The following KIF5B variants were observed in gnomAD, a reference collection of about 807,000 sequenced individuals.
KIF5B encodes kinesin-1 heavy chain.
In KIF5B, 49 loss-of-function variants were observed where a neutral mutation model predicts 132.8. The observed-to-expected ratio is 0.37, with a 90% CI of 0.29 to 0.47. KIF5B has a LOEUF of 0.47. Among genes scored for constraint, KIF5B ranks in the 20% least tolerant of loss-of-function variants. KIF5B has a pLI of 1.00. For synonymous variants in KIF5B, 355 were observed against 369.4 expected (o/e 0.96, Z 0.45); for missense variants, 780 against 1,144.0 (o/e 0.68, Z 4.59).
chr10:32,018,032 G>GA lies in KIF5B; in HGVS notation c.2544+19dup. 7.3e-7 allele frequency: 1 copy of GA among 1,374,660 alleles called. No individual in the cohort carries two copies. The highest frequency in any genetic ancestry group is 2.3e-5 in the East Asian group (1 of 43,372). The allele number at this position is 1,374,660 out of a possible 1,614,324, so 85.2% of individuals were successfully genotyped here. On this transcript the variant is annotated intron_variant, in intron 23 of 25. Coordinates refer to ENST00000302418, the MANE Select transcript of KIF5B (RefSeq NM_004521.3). ...GATTTTTACTATCTTGCAGCTACCA[G>GA]AAAATATACTCTTTAGTACCTGTTT...
chr10:32,015,320 C>A (rs1469876539), intron 25 of KIF5B, among the ~76,000 whole-genome samples, 189 bp downstream of exon 25: 1 of 152,038 alleles, frequency 6.6e-6, no homozygotes, highest in Non-Finnish European at 1.5e-5. Context: ...GATTTCAAAA[C>A]AATTAAGACC....
intron 8 of KIF5B, 71 bp downstream of exon 8, chr10:32,037,183 G>T: frequency 6.9e-7 from 1 of 1,442,472 alleles, no homozygotes; most frequent in Non-Finnish European, 9.5e-7. Flanking sequence ...AATGAACCCT[G>T]CGTAACTCCC....
chr10:32,028,030 T>C (rs1054527759), intron 15 of KIF5B, among the ~76,000 whole-genome samples: 4 of 152,088 alleles, frequency 2.6e-5, no homozygotes, highest in African/African-American at 9.7e-5. Context: ...TGGAGTGCAG[T>C]TGCACGATTG....
At chr10:32,015,987 T>TA (rs1044902373) in intron 24 of KIF5B, among the ~76,000 whole-genome samples, 15 of 151,734 alleles carry the variant, frequency 9.9e-5, no homozygotes, top group Non-Finnish European at 1.5e-4. Context: ...CTACAGAATA[T>TA]AAAAAAATTA....
chr10:32,015,750 TC>T, intron 24 of KIF5B, 91 bp from the exon 25 acceptor site: 1 of 1,088,966 alleles, frequency 9.2e-7, no homozygotes, highest in Non-Finnish European at 1.3e-6. Flanking sequence ...CACAACAAAT[TC>T]CCAAATGTTT....
intron 8 of KIF5B, among the ~76,000 whole-genome samples, chr10:32,036,602 T>C (rs890947999): frequency 6.6e-6 from 1 of 152,170 alleles, no homozygotes; most frequent in Non-Finnish European, 1.5e-5. Context: ...ATGTTAAAGA[T>C]AGGTCAGAAC....
intron 2 of KIF5B, among the ~76,000 whole-genome samples, chr10:32,045,207 G>A (rs533100749): frequency 1.3e-5 from 2 of 152,150 alleles, no homozygotes; most frequent in Non-Finnish European, 2.9e-5. Context: ...CAGAACTCAC[G>A]AGAACAGCAT....
chr10:32,018,260 T>C, intron 22 of KIF5B, 56 bp downstream of exon 22: 1 of 1,449,504 alleles, frequency 6.9e-7, no homozygotes, highest in South Asian at 1.4e-5. Flanking sequence ...ATACAAATAA[T>C]TACCTAGAAG....
Position 32,056,200 on chromosome 10 carries a change from T to A in KIF5B, c.-227A>T, listed in dbSNP as rs1841761234. On this transcript the variant is annotated 5_prime_UTR_variant, in exon 1 of 26. An upstream start codon of the reference 5' UTR is lost. Coordinates refer to ENST00000302418, the MANE Select transcript of KIF5B (RefSeq NM_004521.3). ...CACTTCCGATCCATCATGGCAGCCA[T>A]GGCGGCGGCAGCGGCGGCGGCACCG... 2.0e-6 allele frequency: 1 copy of A among 496,746 alleles called. No homozygotes were observed. Among genetic ancestry groups the A allele is most frequent in the Non-Finnish European group, 3.5e-6 (1 of 287,526 alleles). 30.8% of individuals were successfully genotyped at this position (496,746 alleles called of 1,614,324 possible).
chr10:32,055,338 C>G (rs1316476940), intron 1 of KIF5B, among the ~76,000 whole-genome samples: 1 of 152,096 alleles, frequency 6.6e-6, no homozygotes, highest in African/African-American at 2.4e-5. Flanking sequence ...TTCCTTCTCC[C>G]AGAGGGAAAC....
intron 2 of KIF5B, among the ~76,000 whole-genome samples, chr10:32,045,065 C>T (rs1369419354): frequency 6.6e-6 from 1 of 152,116 alleles, no homozygotes; most frequent in Admixed American, 6.5e-5. Flanking sequence ...TCCTAAACGT[C>T]AGGAAAACAG....
chr10:32,025,769 A>C (rs1389578177), intron 15 of KIF5B, among the ~76,000 whole-genome samples: 1 of 152,282 alleles, frequency 6.6e-6, no homozygotes, highest in Non-Finnish European at 1.5e-5. Flanking sequence ...TGGTACATTC[A>C]TATCATGGAA....
chr10:32,049,918 T>C (rs1222749856), intron 1 of KIF5B, among the ~76,000 whole-genome samples: 1 of 147,060 alleles, frequency 6.8e-6, no homozygotes, highest in Non-Finnish European at 1.5e-5. Flanking sequence ...CTGCTGTATG[T>C]CTAAGAAAGT....
chr10:32,055,993 G>C lies in KIF5B; in HGVS notation c.-20C>G. 1 of 1,598,154 alleles carries C rather than the reference G, an allele frequency of 6.3e-7. No homozygotes were observed. The highest frequency in any genetic ancestry group is 8.5e-7 in the Non-Finnish European group (1 of 1,179,138). On this transcript the variant is annotated 5_prime_UTR_variant, in exon 1 of 26. Transcript: ENST00000302418. ...CGCCATCTTTCTCGCAGCCGGGGCC[G>C]GCGGCCGGGAGCCACTCCCCGCCGC...
chr10:32,053,594 C>T (rs1198110859), intron 1 of KIF5B, among the ~76,000 whole-genome samples: 2 of 151,818 alleles, frequency 1.3e-5, no homozygotes, highest in South Asian at 2.1e-4. Flanking sequence ...CGTGGTAGCG[C>T]GTGCCTGTAA....
Position 32,056,293 on chromosome 10 carries a change from T to G in KIF5B, c.-320A>C, listed in dbSNP as rs1216858995. On this transcript the variant is annotated 5_prime_UTR_variant, in exon 1 of 26. Transcript: ENST00000302418. ...GGGCGGACTGCGGGGGCTGGGGAGGTTCTGGGGACCGGGAGAGTGGCCACC... is the reference window on the plus strand; with the variant it reads ...GGGCGGACTGCGGGGGCTGGGGAGGGTCTGGGGACCGGGAGAGTGGCCACC... 3 of 321,404 alleles carry G rather than the reference T, an allele frequency of 9.3e-6. No homozygotes were observed. Among genetic ancestry groups the G allele is most frequent in the South Asian group, 3.2e-5 (1 of 31,638 alleles). 19.9% of individuals were successfully genotyped at this position (321,404 alleles called of 1,614,324 possible). A position where few individuals can be genotyped will look rare whatever the true frequency, so the allele number is the denominator to read the frequency against.
At chr10:32,041,515 T>C (rs1286059852) in intron 2 of KIF5B, among the ~76,000 whole-genome samples, 1 of 152,198 alleles carries the variant, frequency 6.6e-6, no homozygotes, top group Non-Finnish European at 1.5e-5. Flanking sequence ...GAAACAAGAC[T>C]AATTGATGGT....
At chr10:32,028,100 A>G (rs1592444181) in intron 15 of KIF5B, among the ~76,000 whole-genome samples, 1 of 152,016 alleles carries the variant, frequency 6.6e-6, no homozygotes, top group East Asian at 1.9e-4. Context: ...AGTAGCTGGG[A>G]CTACAGGCAC....
intron 2 of KIF5B, among the ~76,000 whole-genome samples, chr10:32,040,800 A>T (rs1841524774): frequency 6.6e-6 from 1 of 152,044 alleles, no homozygotes; most frequent in Admixed American, 6.6e-5. Context: ...AAGCCTGGTC[A>T]GCATGGTGAA....
Sources: allele counts gnomAD v4.1 joint callset (sites outside exome capture counted in the v4.1 genomes callset), GRCh38; gene constraint gnomAD v4.1.1; transcripts MANE v1.5; gene names NCBI Gene and HGNC (gene_info 2026-07-23, HGNC 2026-07-21).